IQSEC1: variants seen among roughly 807,000 people sequenced by gnomAD.
IQSEC1 encodes IQ motif and SEC7 domain-containing protein 1.
A neutral mutation model predicts 91.0 loss-of-function variants in IQSEC1; 31 were observed. That is an observed-to-expected ratio of 0.34 (90% confidence interval 0.26 to 0.46). IQSEC1 has a LOEUF of 0.46. Ranked by LOEUF, IQSEC1 falls within the 20% of genes least tolerant of loss-of-function variation. The pLI is 1.00. For missense variants in IQSEC1, 1,388 were observed against 1,575.6 expected (o/e 0.88, Z 2.02); for synonymous variants, 699 against 662.6 (o/e 1.05, Z -0.84).
chr3:13,251,668 T>C (rs1191932789), intron 1 of IQSEC1, among the ~76,000 whole-genome samples: 3 of 152,216 alleles, frequency 2.0e-5, no homozygotes, highest in Non-Finnish European at 4.4e-5. Flanking sequence ...TGACAAGGAC[T>C]GCACCATGCA....
rs1236381435 is a variant in IQSEC1, at chr3:13,207,614, C to G, written c.273-43481G>C. ...CTGGGTCTGTCTCCTGCCCCAGCCT[C>G]TGCCCTGGCCTCCCTGAGGCTCCTC... On this transcript the variant is annotated intron_variant, in intron 1 of 15. Coordinates refer to the IQSEC1 transcript ENST00000648114. This position sits in a 1 kb window ranked among gnomAD's most constrained non-coding sequence, Gnocchi z 4.8. 6.6e-6 allele frequency among the ~76,000 whole-genome samples: 1 copy of G among 152,216 alleles called. No homozygotes were observed. The highest frequency in any genetic ancestry group is 2.4e-5 in the African/African-American group (1 of 41,460).
intron 1 of IQSEC1, among the ~76,000 whole-genome samples, chr3:13,195,784 C>T (rs1694114018): frequency 6.6e-6 from 1 of 152,090 alleles, no homozygotes; most frequent in Non-Finnish European, 1.5e-5. Flanking sequence ...GTGGGCACGA[C>T]AAAACTGCAT....
At chr3:13,025,214 G>T (rs962539307) in intron 1 of IQSEC1, among the ~76,000 whole-genome samples, 6 of 152,234 alleles carry the variant, frequency 3.9e-5, no homozygotes, top group Non-Finnish European at 8.8e-5. Context: ...CTGCGTGGAA[G>T]CCTTCACCCC....
rs1238500348 is a variant in IQSEC1, at chr3:12,920,681, G to A, written c.1854-85C>T. On this transcript the variant is annotated intron_variant, in intron 5 of 13. Transcript: ENST00000613206. Reference sequence around the variant, plus strand: ...TCACCCGCTGAGGCTGTCATGTGCCGCTAAGCCTCAGCTCCTGCTTCTGGT... The same window carrying A: ...TCACCCGCTGAGGCTGTCATGTGCCACTAAGCCTCAGCTCCTGCTTCTGGT... 2.1e-5 allele frequency: 30 copies of A among 1,412,392 alleles called. No homozygotes were observed. The Admixed American group carries it at 2.7e-4, about 13-fold the overall frequency. The allele number at this position is 1,412,392 out of a possible 1,614,324, so 87.5% of individuals were successfully genotyped here.
intron 1 of IQSEC1, among the ~76,000 whole-genome samples, chr3:13,066,946 T>A (rs1446420618): frequency 6.6e-6 from 1 of 152,228 alleles, no homozygotes; most frequent in Non-Finnish European, 1.5e-5. Flanking sequence ...TGAGCCAGCA[T>A]GCCTGGAGCT....
intron 1 of IQSEC1, among the ~76,000 whole-genome samples, chr3:13,036,773 C>G (rs1012906919): frequency 1.3e-5 from 2 of 152,360 alleles, no homozygotes; most frequent in East Asian, 3.9e-4. Flanking sequence ...TTCCTTGATG[C>G]TGTGTTTTAG....
At chr3:13,050,402 C>T (rs1383535535) in intron 1 of IQSEC1, among the ~76,000 whole-genome samples, 1 of 152,158 alleles carries the variant, frequency 6.6e-6, no homozygotes, top group East Asian at 1.9e-4. Flanking sequence ...CTTGTGTGTG[C>T]CCCGGGGATA....
At chr3:13,226,473 C>A (rs1025633540) in intron 1 of IQSEC1, among the ~76,000 whole-genome samples, 4 of 152,008 alleles carry the variant, frequency 2.6e-5, no homozygotes, top group Admixed American at 2.0e-4. Context: ...AAATTCTTGA[C>A]CCCCCAGGCT....
chr3:13,097,189 C>T (rs1705980646), intron 2 of IQSEC1, among the ~76,000 whole-genome samples: 1 of 152,206 alleles, frequency 6.6e-6, no homozygotes, highest in Non-Finnish European at 1.5e-5. Context: ...CATCCCTTCG[C>T]CTCTGCAAAC....
intron 2 of IQSEC1, among the ~76,000 whole-genome samples, chr3:13,160,039 C>T (rs1017632846): frequency 2.6e-5 from 4 of 152,124 alleles, no homozygotes; most frequent in Non-Finnish European, 4.4e-5. Context: ...GAGCAAAGTC[C>T]TACATTTGCA....
chr3:13,235,639 T>C lies in IQSEC1; in HGVS notation c.272+47072A>G, dbSNP rs533025868. Among the ~76,000 whole-genome samples the C allele has an allele frequency of 5.9e-4, 90 of 152,256 alleles. 1 individual carries two copies. The highest frequency in any genetic ancestry group is 3.4e-3 in the Middle Eastern group (1 of 294). ...ACATCACTCCCGCTGCCTGTGGACA[T>C]TGCTCTGGGACCCCAGGTGGCCCGG... On this transcript the variant is annotated intron_variant, in intron 1 of 15. Transcript: ENST00000648114.
At chr3:13,053,202 C>T in intron 1 of IQSEC1, 3 of 687,584 alleles carry the variant, frequency 4.4e-6, no homozygotes, top group Non-Finnish European at 8.0e-6. Flanking sequence ...AACCTTGTTT[C>T]CCTGTTGGGG....
intron 2 of IQSEC1, among the ~76,000 whole-genome samples, chr3:13,133,906 G>T (rs6799527): frequency 0.078 from 11,808 of 152,160 alleles, 1,406 homozygotes; most frequent in African/African-American, 0.26. Flanking sequence ...GCACACAGTG[G>T]GGTTGGTAGG....
At chr3:13,153,055 C>T (rs1275026274) in intron 2 of IQSEC1, among the ~76,000 whole-genome samples, 1 of 150,996 alleles carries the variant, frequency 6.6e-6, no homozygotes, top group Admixed American at 6.6e-5. Flanking sequence ...TTTTCTTTCC[C>T]CTCCCCTATC....
At chr3:13,163,588 GC>G (rs1283383144) in intron 2 of IQSEC1, among the ~76,000 whole-genome samples, 1 of 152,086 alleles carries the variant, frequency 6.6e-6, no homozygotes, top group East Asian at 1.9e-4. Flanking sequence ...CTGGCAGAAA[GC>G]CCACTCCATG....
intron 1 of IQSEC1, among the ~76,000 whole-genome samples, chr3:13,003,299 A>AG (rs1702503865): frequency 6.0e-5 from 9 of 150,526 alleles, no homozygotes; most frequent in African/African-American, 2.2e-4. Context: ...AAAAAAAAAA[A>AG]GGAATGAAGT....
chr3:12,989,173 C>A (rs905044507), intron 1 of IQSEC1, among the ~76,000 whole-genome samples: 2 of 152,218 alleles, frequency 1.3e-5, no homozygotes, highest in African/African-American at 4.8e-5. Flanking sequence ...TATTGTGGGT[C>A]TCTTGCCACT....
chr3:13,178,645 A>G (rs1363520662), intron 1 of IQSEC1, among the ~76,000 whole-genome samples: 1 of 152,206 alleles, frequency 6.6e-6, no homozygotes, highest in African/African-American at 2.4e-5. Flanking sequence ...CAGGCAACCT[A>G]TGCACTCAAA....
rs539708800 is a variant in IQSEC1, at chr3:12,908,684, C to T, written c.2579-159G>A. ...AAGAGGGTGTGATGGCCACCCTGGA[C>T]AAAAGAGCAGAAAGGAGATCCCAGG... On this transcript the variant is annotated intron_variant, in intron 11 of 13. Coordinates refer to ENST00000613206, the MANE Select transcript of IQSEC1 (RefSeq NM_001134382.3). The surrounding 1 kb of genome is among the most constrained non-coding windows in gnomAD (Gnocchi z 4.9). 6.6e-6 allele frequency among the ~76,000 whole-genome samples: 1 copy of T among 151,782 alleles called. No homozygotes were observed. The highest frequency in any genetic ancestry group is 2.4e-5 in the African/African-American group (1 of 41,364).
Sources: gnomAD v4.1 joint callset for allele counts (sites outside exome capture counted in the v4.1 genomes callset) on GRCh38, gnomAD v4.1.1 for gene constraint, Gnocchi (gnomAD v3.1) non-coding constraint, MANE v1.5 for transcripts, NCBI Gene and HGNC (gene_info 2026-07-23, HGNC 2026-07-21) for gene names.